COPG1: variants seen among roughly 807,000 people sequenced by gnomAD.
COPG1 encodes coatomer subunit gamma-1.
Under a neutral mutation model 102.8 loss-of-function variants are expected in COPG1, and 29 were observed. That is an observed-to-expected ratio of 0.28 (90% CI 0.21 to 0.38). The LOEUF is 0.38. COPG1 is among the 10% of genes least tolerant of loss of function. The pLI is 1.00. For synonymous variants in COPG1, 406 were observed against 421.6 expected, an observed-to-expected ratio of 0.96 and a Z score of 0.45; for missense variants, 875 against 1,132.7, an observed-to-expected ratio of 0.77 and a Z score of 3.27.
intron 7 of COPG1, 54 bp from the exon 8 acceptor site, chr3:129,256,014 A>ATGTG: frequency 3.3e-6 from 5 of 1,507,606 alleles, no homozygotes; most frequent in Non-Finnish European, 4.6e-6. Context: ...TGGGCCCAGA[A>ATGTG]TGTGTGATGG....
intron 13 of COPG1, among the ~76,000 whole-genome samples, chr3:129,264,662 T>C (rs953519212): frequency 1.3e-5 from 2 of 152,124 alleles, no homozygotes; most frequent in African/African-American, 4.8e-5. Context: ...TTGTTTTTTT[T>C]AAGTAGAGAT....
intron 2 of COPG1, 24 bp downstream of exon 2, chr3:129,250,758 AGCT>A: frequency 2.5e-6 from 4 of 1,601,086 alleles, no homozygotes; most frequent in Non-Finnish European, 2.6e-6. Context: ...GCTCCCCTCT[AGCT>A]TCCATCATAA....
In COPG1 at chr3:129,275,532, G is replaced by A. The variant is rs61132202; in HGVS notation, c.2494+240G>A. 0.067 allele frequency among the ~76,000 whole-genome samples: 10,115 copies of A among 152,090 alleles called. 1,090 individuals are homozygous for A. Among genetic ancestry groups the A allele is most frequent in the African/African-American group, 0.23 (9,369 of 41,436 alleles). On this transcript the variant is annotated intron_variant, in intron 23 of 23. Transcript: ENST00000314797. This position sits in a 1 kb window ranked among gnomAD's most constrained non-coding sequence, Gnocchi z 5.0. ...ACAAACAATACTTGTATAACCTTGC[G>A]GTTATTTTATGGCTATAAAAGCTAA...
At chr3:129,268,673 G>T (rs979545172) in intron 17 of COPG1, 53 bp downstream of exon 17, 1 of 1,594,330 alleles carries the variant, frequency 6.3e-7, no homozygotes, top group African/African-American at 1.3e-5. Flanking sequence ...CTGTTGGAGG[G>T]TCTGCATTGG....
chr3:129,263,046 G>GAAA lies in COPG1; in HGVS notation c.1129-858_1129-857insAAA, dbSNP rs1560065383. On this transcript the variant is annotated intron_variant, in intron 12 of 23. Coordinates refer to ENST00000314797, the MANE Select transcript of COPG1 (RefSeq NM_016128.4). The stretch of plus-strand genomic sequence containing the variant: ...AAAAAAAAAAAAAAAGAGTCCTTCT[G>GAAA]GAGCAGAGTGGAGGGGTGACTGGGT... Among the ~76,000 whole-genome samples the GAAA allele has an allele frequency of 5.3e-4, 72 of 135,064 alleles. 1 individual carries two copies. Among genetic ancestry groups the GAAA allele is most frequent in the African/African-American group, 2.3e-3 (67 of 29,090 alleles). 88.6% of individuals were successfully genotyped at this position (135,064 alleles called of 152,430 possible). A position where few individuals can be genotyped will look rare whatever the true frequency, so the allele number is the denominator to read the frequency against.
At position 129,265,575 on chromosome 3, in the gene COPG1, C is replaced by T. The variant is rs767475494; in HGVS notation, c.1251C>T (p.Ile417=). Residue 417 remains isoleucine, a synonymous_variant, in exon 14 of 24, where the codon ATC becomes ATT. Coordinates refer to ENST00000314797, the MANE Select transcript of COPG1 (RefSeq NM_016128.4). ...GTGGCTTTGAGTATAAGCGCGCTAT[C>T]GTGGACTGCATCATCAGCATCATTG... is the stretch of plus-strand genomic sequence containing the variant. ...EEGGFEYKRA[I]VDCIISIIEE... is the part of the protein sequence containing the mutation. 16 of 1,614,036 alleles carry T rather than the reference C, an allele frequency of 9.9e-6. No individual in the cohort carries two copies. The highest frequency in any genetic ancestry group is 8.9e-5 in the East Asian group (4 of 44,898).
At chr3:129,263,832 G>A (rs956762828) in intron 12 of COPG1, 72 bp from the exon 13 acceptor site, 34 of 1,297,808 alleles carry the variant, frequency 2.6e-5, no homozygotes, top group Non-Finnish European at 3.3e-5. Context: ...AGGACTCAGT[G>A]GGCACTCAGG....
chr3:129,269,829 C>T (rs1560067631), intron 18 of COPG1, among the ~76,000 whole-genome samples: 4 of 151,882 alleles, frequency 2.6e-5, no homozygotes, highest in Admixed American at 2.6e-4. Flanking sequence ...AGTGGCTTAA[C>T]ACATTTATAA....
chr3:129,275,145 A>C lies in COPG1; in HGVS notation c.2396-49A>C, dbSNP rs1281366553. On this transcript the variant is annotated intron_variant, in intron 22 of 23. Coordinates refer to ENST00000314797, the MANE Select transcript of COPG1 (RefSeq NM_016128.4). This position sits in a 1 kb window ranked among gnomAD's most constrained non-coding sequence, Gnocchi z 5.0. Reference sequence around the variant, plus strand: ...CAGAACATGGGGGAGTGGTGGTGGCACAAAGGGCAGATAAGATGGCTTAAC... The same window carrying C: ...CAGAACATGGGGGAGTGGTGGTGGCCCAAAGGGCAGATAAGATGGCTTAAC... 6.4e-7 allele frequency: 1 copy of C among 1,566,230 alleles called. No individual in the cohort carries two copies. Among genetic ancestry groups the C allele is most frequent in the South Asian group, 1.1e-5 (1 of 89,942 alleles).
At chr3:129,253,996 G>A (rs1281420158) in intron 5 of COPG1, among the ~76,000 whole-genome samples, 2 of 131,030 alleles carry the variant, frequency 1.5e-5, no homozygotes, top group African/African-American at 6.0e-5. Flanking sequence ...ACGAGACTGC[G>A]TCTCAAAAAA....
At chr3:129,260,263 A>G in intron 10 of COPG1, 70 bp from the exon 11 acceptor site, 1 of 1,407,664 alleles carries the variant, frequency 7.1e-7, no homozygotes, top group Non-Finnish European at 1.0e-6. Flanking sequence ...GAGTCAGAAC[A>G]GTAGCCCCCG....
chr3:129,261,396 G>A (rs897641794), intron 12 of COPG1, among the ~76,000 whole-genome samples: 5 of 152,174 alleles, frequency 3.3e-5, no homozygotes, highest in Non-Finnish European at 5.9e-5. Flanking sequence ...GCCAGTGGGT[G>A]GAAGAGCTGT....
rs546335559 is a variant in COPG1, at chr3:129,260,528, C to A, written c.940-91C>A. 9.9e-6 allele frequency: 15 copies of A among 1,516,288 alleles called. No homozygotes were observed. In the Admixed American group the frequency reaches 1.9e-4, roughly 19 times the overall value. The allele number at this position is 1,516,288 out of a possible 1,614,324, so 93.9% of individuals were successfully genotyped here. A position where few individuals can be genotyped will look rare whatever the true frequency, so the allele number is the denominator to read the frequency against. On this transcript the variant is annotated intron_variant, in intron 11 of 23. Coordinates refer to ENST00000314797, the MANE Select transcript of COPG1 (RefSeq NM_016128.4). ...AGTTTCTTCTAGATGGTGAGATGAT[C>A]TCATCCAAAGGACTTCTGACTGGGC...
Position 129,257,568 on chromosome 3 carries a change from C to G in COPG1, c.678C>G (p.Pro226=). The G allele has an allele frequency of 1.2e-6, 2 of 1,614,244 alleles. No individual in the cohort carries two copies. Among genetic ancestry groups the G allele is most frequent in the Non-Finnish European group, 1.7e-6 (2 of 1,180,048 alleles). ...TCACACGGCATGGCCTTAAGTCTCCCTTTGCCTACTGCATGATGATCCGGG... is the reference window on the plus strand; with the variant it reads ...TCACACGGCATGGCCTTAAGTCTCCGTTTGCCTACTGCATGATGATCCGGG... ...SKVTRHGLKS[P]FAYCMMIRVA... Residue 226 remains proline, a synonymous_variant, in exon 9 of 24, where the codon CCC becomes CCG. Transcript: ENST00000314797.
chr3:129,276,788 T>G (rs1940278170), intron 23 of COPG1, among the ~76,000 whole-genome samples: 2 of 151,970 alleles, frequency 1.3e-5, no homozygotes, highest in African/African-American at 4.8e-5. Context: ...CACTTTGTAG[T>G]TGAGGATACT....
chr3:129,259,409 C>T (rs1404606525), intron 10 of COPG1, among the ~76,000 whole-genome samples: 3 of 146,374 alleles, frequency 2.0e-5, no homozygotes, highest in Non-Finnish European at 3.0e-5. Context: ...TGCAGTGAGC[C>T]GAGATCGCGC....
In COPG1 at chr3:129,267,477, C is replaced by T. The variant is rs567984572; in HGVS notation, c.1544+378C>T. 2.6e-5 allele frequency among the ~76,000 whole-genome samples: 4 copies of T among 152,124 alleles called. No individual in the cohort carries two copies. The East Asian group carries it at 7.7e-4, about 29-fold the overall frequency. On this transcript the variant is annotated intron_variant, in intron 15 of 23. Transcript: ENST00000314797. Reference sequence around the variant, plus strand: ...TCTACTACAAATATAAAAAATTAGCCAGGTGTGGTGGCGGGTGCCTGTAGT... The same window carrying T: ...TCTACTACAAATATAAAAAATTAGCTAGGTGTGGTGGCGGGTGCCTGTAGT...
At chr3:129,266,036 A>C (rs1940051934) in intron 14 of COPG1, among the ~76,000 whole-genome samples, 1 of 151,884 alleles carries the variant, frequency 6.6e-6, no homozygotes, top group African/African-American at 2.4e-5. Context: ...CAGTGGCGCA[A>C]TCTCAGCTCA....
At chr3:129,261,967 C>T (rs1939934548) in intron 12 of COPG1, among the ~76,000 whole-genome samples, 2 of 152,142 alleles carry the variant, frequency 1.3e-5, no homozygotes, top group Non-Finnish European at 2.9e-5. Context: ...AAGTATGTCA[C>T]CGGAGAGTTT....
Sources: allele counts gnomAD v4.1 joint callset (sites outside exome capture counted in the v4.1 genomes callset), GRCh38; gene constraint gnomAD v4.1.1; non-coding constraint Gnocchi (gnomAD v3.1); transcripts MANE v1.5; gene names NCBI Gene and HGNC (gene_info 2026-07-23, HGNC 2026-07-21).